Variants in OLFM3 observed in about 807,000 individuals in gnomAD.
OLFM3 encodes the protein noelin-3.
A neutral mutation model predicts 48.6 loss-of-function variants in OLFM3; 20 were observed. The ratio of observed to expected loss-of-function variants is 0.41; its 90% CI spans 0.29 to 0.60. The LOEUF (loss-of-function observed/expected upper bound fraction) is 0.60. OLFM3 is among the 20% of genes least tolerant of loss of function. The pLI, the probability that OLFM3 is intolerant of heterozygous loss-of-function variation, is 0.28. For synonymous variants in OLFM3, 222 were observed against 198.1 expected, an observed-to-expected ratio of 1.12 and a Z score of -1.01; for missense variants, 437 against 544.3, an observed-to-expected ratio of 0.80 and a Z score of 1.96.
intron 2 of OLFM3, among the ~76,000 whole-genome samples, chr1:101,836,052 A>C (rs1410466390): frequency 1.3e-5 from 2 of 152,222 alleles, no homozygotes; most frequent in African/African-American, 4.8e-5. Flanking sequence ...CATGAAAATG[A>C]CATCACACAG....
rs12045100 is a variant in OLFM3, at chr1:101,879,240, C to T, written c.70-42215G>A. Among the ~76,000 whole-genome samples, 3,293 of 151,668 alleles carry T rather than the reference C, an allele frequency of 0.022. 325 individuals carry two copies. In the East Asian group the frequency reaches 0.33, roughly 15 times the overall value. Reference sequence around the variant, plus strand: ...ATTTTACTAAACACTACATTTTTTTCTTTTGATGTCTGTATGGCATTATTT... The same window carrying T: ...ATTTTACTAAACACTACATTTTTTTTTTTTGATGTCTGTATGGCATTATTT... On this transcript the variant is annotated intron_variant, in intron 1 of 5. Transcript: ENST00000370103.
At chr1:101,891,360 T>C (rs1657988204) in intron 1 of OLFM3, among the ~76,000 whole-genome samples, 1 of 151,912 alleles carries the variant, frequency 6.6e-6, no homozygotes, top group Non-Finnish European at 1.5e-5. Context: ...ATAGCGTACT[T>C]TGTCAAGTAT....
intron 4 of OLFM3, among the ~76,000 whole-genome samples, chr1:101,809,388 T>A (rs1653938190): frequency 1.3e-5 from 2 of 152,042 alleles, no homozygotes; most frequent in African/African-American, 4.8e-5. Context: ...GGGCTTCTCA[T>A]CACCAATACT....
chr1:101,959,219 A>T lies in OLFM3; in HGVS notation c.69+37529T>A, dbSNP rs572675070. Among the ~76,000 whole-genome samples, 221 of 152,242 alleles carry T rather than the reference A, an allele frequency of 1.5e-3. 1 individual carries two copies. The highest frequency in any genetic ancestry group is 5.1e-3 in the African/African-American group (211 of 41,552). The stretch of plus-strand genomic sequence containing the variant: ...TCCTAGTTTTCAATATTACAGAATA[A>T]TGTTTTATTGTTGAATATGTTAAAG... On this transcript the variant is annotated intron_variant, in intron 1 of 5. Coordinates refer to ENST00000370103, the MANE Select transcript of OLFM3 (RefSeq NM_058170.4).
intron 1 of OLFM3, among the ~76,000 whole-genome samples, chr1:101,978,547 T>C (rs1335047794): frequency 6.6e-6 from 1 of 152,180 alleles, no homozygotes; most frequent in Non-Finnish European, 1.5e-5. Flanking sequence ...AATTTAGAAA[T>C]AATAAAGTGC....
chr1:101,813,425 G>A (rs1654167268), intron 4 of OLFM3, among the ~76,000 whole-genome samples: 1 of 152,024 alleles, frequency 6.6e-6, no homozygotes, highest in Non-Finnish European at 1.5e-5. Flanking sequence ...ACTGTTCCAT[G>A]TTTAGTGTTT....
intron 2 of OLFM3, among the ~76,000 whole-genome samples, chr1:101,834,453 G>C (rs1207049808): frequency 6.6e-6 from 1 of 152,142 alleles, no homozygotes; most frequent in Non-Finnish European, 1.5e-5. Context: ...AGTGAAGGAG[G>C]TGCTTAAAGG....
At chr1:101,980,854 A>G (rs1278950621) in intron 1 of OLFM3, among the ~76,000 whole-genome samples, 5 of 152,198 alleles carry the variant, frequency 3.3e-5, no homozygotes, top group Non-Finnish European at 5.9e-5. Context: ...TCAGTGAAAA[A>G]AAATAACTAG....
intron 1 of OLFM3, among the ~76,000 whole-genome samples, chr1:101,931,956 A>T (rs1659457180): frequency 6.6e-6 from 1 of 152,224 alleles, no homozygotes; most frequent in Non-Finnish European, 1.5e-5. Context: ...ACTAAAGGTG[A>T]CCTACAATAA....
intron 1 of OLFM3, among the ~76,000 whole-genome samples, chr1:101,857,384 A>C (rs1188696301): frequency 6.6e-6 from 1 of 151,962 alleles, no homozygotes; most frequent in Non-Finnish European, 1.5e-5. Flanking sequence ...ATTATTCAAC[A>C]AGTAATTTGG....
chr1:101,820,640 A>G (rs559323056), intron 4 of OLFM3, among the ~76,000 whole-genome samples: 1 of 152,116 alleles, frequency 6.6e-6, no homozygotes, highest in African/African-American at 2.4e-5. Context: ...AATAAGCAAA[A>G]TGGTGCCCAT....
chr1:101,966,788 TC>T (rs1283421977), intron 1 of OLFM3, among the ~76,000 whole-genome samples: 1 of 152,188 alleles, frequency 6.6e-6, no homozygotes, highest in African/African-American at 2.4e-5. Context: ...ACTGATATGG[TC>T]TTTCTGAATT....
chr1:101,848,753 C>T (rs1656111875), intron 1 of OLFM3, among the ~76,000 whole-genome samples: 1 of 151,990 alleles, frequency 6.6e-6, no homozygotes, highest in Non-Finnish European at 1.5e-5. Context: ...TTGAAAAATA[C>T]ACCTGGAACT....
intron 4 of OLFM3, among the ~76,000 whole-genome samples, chr1:101,816,872 G>A (rs1327522879): frequency 6.6e-6 from 1 of 152,048 alleles, no homozygotes; most frequent in African/African-American, 2.4e-5. Flanking sequence ...CAGAGCTCTC[G>A]ATGTTGATTT....
intron 1 of OLFM3, among the ~76,000 whole-genome samples, chr1:101,938,594 T>C (rs1376161617): frequency 6.6e-6 from 1 of 152,238 alleles, no homozygotes; most frequent in Non-Finnish European, 1.5e-5. Context: ...ATGCACATCA[T>C]AGCACAGGCT....
intron 4 of OLFM3, among the ~76,000 whole-genome samples, chr1:101,820,227 A>G (rs1334773051): frequency 1.3e-5 from 2 of 152,120 alleles, no homozygotes; most frequent in Admixed American, 6.6e-5. Flanking sequence ...TCCTTCTGTT[A>G]AACATGAAGT....
At chr1:101,980,000 A>C (rs1293421149) in intron 1 of OLFM3, among the ~76,000 whole-genome samples, 1 of 152,220 alleles carries the variant, frequency 6.6e-6, no homozygotes, top group Non-Finnish European at 1.5e-5. Flanking sequence ...TGGAAGCTTA[A>C]GGTTTAATGA....
At chr1:101,986,718 G>T (rs529548612) in intron 1 of OLFM3, among the ~76,000 whole-genome samples, 1 of 152,148 alleles carries the variant, frequency 6.6e-6, no homozygotes, top group African/African-American at 2.4e-5. Flanking sequence ...GCTTAATGAT[G>T]TTTTCTTGCC....
In OLFM3 at chr1:101,830,822, C is replaced by T; in HGVS notation, c.222G>A (p.Gln74=). Reference sequence around the variant, plus strand: ...AGACTTCAATAGACTGGGACATGTTCTGAACCTGTTGAACAAGAATATTGT... The same window carrying T: ...AGACTTCAATAGACTGGGACATGTTTTGAACCTGTTGAACAAGAATATTGT... ...RQLRQLLEKV[Q]NMSQSIEVLN... is the part of the protein sequence containing the mutation. The change falls in exon 3 of 6, where the codon CAG becomes CAA. Residue 74 remains glutamine, a synonymous_variant. Coordinates refer to ENST00000370103, the MANE Select transcript of OLFM3 (RefSeq NM_058170.4). The T allele has an allele frequency of 3.1e-6, 5 of 1,612,894 alleles. No homozygotes were observed. The highest frequency in any genetic ancestry group is 4.2e-6 in the Non-Finnish European group (5 of 1,179,590).
Sources: allele counts gnomAD v4.1 joint callset (sites outside exome capture counted in the v4.1 genomes callset), GRCh38; gene constraint gnomAD v4.1.1; transcripts MANE v1.5; gene names NCBI Gene and HGNC (gene_info 2026-07-23, HGNC 2026-07-21).